The following ANKRD6 variants were observed in gnomAD, a reference collection of about 807,000 sequenced individuals.
ANKRD6 encodes the protein ankyrin repeat domain 6.
A neutral mutation model predicts 82.3 loss-of-function variants in ANKRD6; 56 were observed. That is an observed-to-expected ratio of 0.68 (90% confidence interval 0.55 to 0.85). The LOEUF (loss-of-function observed/expected upper bound fraction) is 0.85. ANKRD6 is among the 40% of genes least tolerant of loss of function. The pLI is 0.00. For missense variants in ANKRD6, 852 were observed against 907.6 expected, an observed-to-expected ratio of 0.94 and a Z score of 0.79; for synonymous variants, 347 against 352.1, an observed-to-expected ratio of 0.99 and a Z score of 0.16.
At position 89,539,927 on chromosome 6, in the gene ANKRD6, T is replaced by C. The variant is rs539329030; in HGVS notation, c.-143-26907T>C. Among the ~76,000 whole-genome samples, 5 of 152,208 alleles carry C rather than the reference T, an allele frequency of 3.3e-5. No homozygotes were observed. The East Asian group carries it at 9.6e-4, about 29-fold the overall frequency. The stretch of plus-strand genomic sequence containing the variant: ...TGTTTGTCTTTCTATGCCTGGCTTA[T>C]TTTACTTAACATGATGATCTCCAGT... On this transcript the variant is annotated intron_variant, in intron 1 of 15. Coordinates refer to ENST00000339746, the MANE Select transcript of ANKRD6 (RefSeq NM_001242809.2).
intron 1 of ANKRD6, among the ~76,000 whole-genome samples, chr6:89,547,746 A>C (rs1785293082): frequency 6.6e-6 from 1 of 152,114 alleles, no homozygotes; most frequent in African/African-American, 2.4e-5. Flanking sequence ...GAAATCATTG[A>C]GTATATCCCA....
intron 1 of ANKRD6, among the ~76,000 whole-genome samples, chr6:89,548,140 T>C (rs1785347260): frequency 6.6e-6 from 1 of 152,212 alleles, no homozygotes; most frequent in Admixed American, 6.5e-5. Context: ...CGCCACTAAA[T>C]CCAGAACATT....
intron 1 of ANKRD6, among the ~76,000 whole-genome samples, chr6:89,462,961 C>G (rs1774381130): frequency 6.6e-6 from 1 of 151,314 alleles, no homozygotes; most frequent in Admixed American, 6.6e-5. Flanking sequence ...CTCCTGGGCT[C>G]AAGTGATCCT....
Position 89,595,908 on chromosome 6 carries a change from A to C in ANKRD6, c.121-8A>C, listed in dbSNP as rs748282341. The C allele has an allele frequency of 6.3e-7, 1 of 1,599,078 alleles. No homozygotes were observed. Among genetic ancestry groups the C allele is most frequent in the Non-Finnish European group, 8.5e-7 (1 of 1,171,948 alleles). ...GTTCCGAAATCATTGTTCATTTTGC[A>C]TTCACAGCATGGCCGGACTCCCCTG... On this transcript the variant is annotated splice_region_variant and splice_polypyrimidine_tract_variant and intron_variant, in intron 2 of 15. Coordinates refer to ENST00000339746, the MANE Select transcript of ANKRD6 (RefSeq NM_001242809.2).
At chr6:89,464,894 T>C (rs1467555092) in intron 1 of ANKRD6, among the ~76,000 whole-genome samples, 1 of 152,104 alleles carries the variant, frequency 6.6e-6, no homozygotes, top group Non-Finnish European at 1.5e-5. Context: ...TTTGTTTGTG[T>C]CTGTGTTGAA....
chr6:89,503,365 A>G (rs1341377500), intron 1 of ANKRD6, among the ~76,000 whole-genome samples: 1 of 152,204 alleles, frequency 6.6e-6, no homozygotes, highest in Non-Finnish European at 1.5e-5. Flanking sequence ...TAGAGGACAG[A>G]AGGCCATTGG....
chr6:89,545,671 A>G (rs1361902883), intron 1 of ANKRD6, among the ~76,000 whole-genome samples: 1 of 152,230 alleles, frequency 6.6e-6, no homozygotes, highest in African/African-American at 2.4e-5. Flanking sequence ...AAGATGAACT[A>G]AATCTTGAAG....
At chr6:89,609,468 A>G (rs1397779188) in intron 5 of ANKRD6, among the ~76,000 whole-genome samples, 2 of 151,484 alleles carry the variant, frequency 1.3e-5, no homozygotes, top group Non-Finnish European at 2.9e-5. Context: ...CGCTCAGCTA[A>G]TTTTTGTATT....
intron 2 of ANKRD6, among the ~76,000 whole-genome samples, chr6:89,591,794 C>G (rs1289887344): frequency 6.6e-6 from 1 of 152,190 alleles, no homozygotes; most frequent in Non-Finnish European, 1.5e-5. Context: ...GAGGAGACAG[C>G]TTCAGCTTCT....
chr6:89,540,538 G>A (rs569604435), intron 1 of ANKRD6, among the ~76,000 whole-genome samples: 1 of 152,132 alleles, frequency 6.6e-6, no homozygotes, highest in Non-Finnish European at 1.5e-5. Context: ...CCCTTGTCAG[G>A]TGGATAGTTT....
intron 2 of ANKRD6, among the ~76,000 whole-genome samples, chr6:89,592,054 C>A (rs965007273): frequency 1.3e-5 from 2 of 152,120 alleles, no homozygotes; most frequent in Non-Finnish European, 2.9e-5. Flanking sequence ...TGAAGAATGC[C>A]CTTCCAAGAA....
At chr6:89,560,360 G>T (rs1031338656) in intron 1 of ANKRD6, among the ~76,000 whole-genome samples, 2 of 152,204 alleles carry the variant, frequency 1.3e-5, no homozygotes, top group Non-Finnish European at 2.9e-5. Flanking sequence ...TGCACACTCA[G>T]AGTACGTGTG....
intron 3 of ANKRD6, among the ~76,000 whole-genome samples, chr6:89,597,769 C>A (rs1284523638): frequency 6.6e-6 from 1 of 152,152 alleles, no homozygotes; most frequent in Non-Finnish European, 1.5e-5. Context: ...TATATTGCTT[C>A]TCCCAGATAA....
chr6:89,434,954 G>C (rs1225817291), intron 1 of ANKRD6, among the ~76,000 whole-genome samples: 1 of 152,122 alleles, frequency 6.6e-6, no homozygotes, highest in Non-Finnish European at 1.5e-5. Context: ...CGCAGTGTTG[G>C]GAGGTATAAA....
In ANKRD6 at chr6:89,455,154, T is replaced by G. The variant is rs868005190; in HGVS notation, c.-144+21779T>G. 5.5e-4 allele frequency among the ~76,000 whole-genome samples: 84 copies of G among 151,452 alleles called. 2 individuals carry two copies. The East Asian group carries it at 9.3e-3, about 17-fold the overall frequency. On this transcript the variant is annotated intron_variant, in intron 1 of 15. Transcript: ENST00000339746. ...CCACCACACCCAGTGTGTGTGTGTT[T>G]TTTTTTTTTTTTAATCTATGTGTTT...
At chr6:89,557,232 A>G (rs1006419554) in intron 1 of ANKRD6, among the ~76,000 whole-genome samples, 1 of 152,092 alleles carries the variant, frequency 6.6e-6, no homozygotes, top group African/African-American at 2.4e-5. Flanking sequence ...AACGTGATTG[A>G]GGGTAAAGAA....
chr6:89,573,185 A>G (rs891760633), intron 2 of ANKRD6, among the ~76,000 whole-genome samples: 5 of 152,200 alleles, frequency 3.3e-5, no homozygotes, highest in South Asian at 2.1e-4. Context: ...AAATACCACA[A>G]TTTTAAAATC....
At chr6:89,546,268 A>G (rs1485889826) in intron 1 of ANKRD6, among the ~76,000 whole-genome samples, 1 of 152,138 alleles carries the variant, frequency 6.6e-6, no homozygotes, top group Non-Finnish European at 1.5e-5. Context: ...TAAAATGTTA[A>G]CCATCTGGTT....
At chr6:89,527,973 C>G (rs1282873592) in intron 1 of ANKRD6, among the ~76,000 whole-genome samples, 1 of 152,128 alleles carries the variant, frequency 6.6e-6, no homozygotes. Flanking sequence ...CAATGCCTGG[C>G]TAATTTTTTA....
Sources: allele counts gnomAD v4.1 joint callset (sites outside exome capture counted in the v4.1 genomes callset), GRCh38; gene constraint gnomAD v4.1.1; transcripts MANE v1.5; gene names NCBI Gene and HGNC (gene_info 2026-07-23, HGNC 2026-07-21).